The following AKAP13 variants were observed in gnomAD, a reference collection of about 807,000 sequenced individuals.
The protein encoded by AKAP13 is A-kinase anchoring protein 13.
AKAP13 carries 80 observed loss-of-function variants against 264.5 expected under a neutral mutation model. The ratio of observed to expected loss-of-function variants is 0.30; its 90% CI spans 0.25 to 0.36. The LOEUF (loss-of-function observed/expected upper bound fraction) is 0.36, where lower values mean the gene tolerates loss of function less well. Ranked by LOEUF, AKAP13 falls within the 10% of genes least tolerant of loss-of-function variation. AKAP13 has a pLI of 1.00. For missense variants in AKAP13, 3,712 were observed against 3,435.2 expected (o/e 1.08, Z -2.01); for synonymous variants, 1,380 against 1,250.2 (o/e 1.10, Z -2.19).
In AKAP13 at chr15:85,580,788, T is replaced by G; in HGVS notation, c.2720T>G (p.Val907Gly). Residue 907 changes from valine to glycine, a missense_variant, in exon 7 of 37, where the codon GTT becomes GGT. Val to Gly is a moderately radical substitution (Grantham distance 109). Around this residue, in one of 3 missense-constraint regions of AKAP13, gnomAD observed 2,759 missense variants for 2,411.7 expected, o/e 1.14. Transcript: ENST00000394518. Reference protein sequence around the residue: ...VGKATLALDSVLTEEGKLLVV... With the variant: ...VGKATLALDSGLTEEGKLLVV... ...AAGGCCACTTTGGCTTTAGATTCAGTTTTGACTGAAGAAGGAAAACTTCTG... is the reference window on the plus strand; with the variant it reads ...AAGGCCACTTTGGCTTTAGATTCAGGTTTGACTGAAGAAGGAAAACTTCTG... 6.2e-7 allele frequency: 1 copy of G among 1,614,018 alleles called. No individual in the cohort carries two copies. The highest frequency in any genetic ancestry group is 8.5e-7 in the Non-Finnish European group (1 of 1,179,986).
At position 85,500,292 on chromosome 15, in the gene AKAP13, T is replaced by C. The variant is rs185158764; in HGVS notation, c.33+14539T>C. ...TGTAGCCTAGTGCTTCCGTGTGGTG[T>C]GTGGGTATTTACTTGGAACACTCTG... On this transcript the variant is annotated intron_variant, in intron 2 of 36. Coordinates refer to ENST00000394518, the MANE Select transcript of AKAP13 (RefSeq NM_007200.5). Among the ~76,000 whole-genome samples, 36 of 152,314 alleles carry C rather than the reference T, an allele frequency of 2.4e-4. No homozygotes were observed. In the East Asian group the frequency reaches 6.0e-3, roughly 25 times the overall value.
At chr15:85,416,330 T>C (rs1342353726) in intron 1 of AKAP13, among the ~76,000 whole-genome samples, 1 of 152,216 alleles carries the variant, frequency 6.6e-6, no homozygotes, top group Non-Finnish European at 1.5e-5. Flanking sequence ...TGTGAACAGC[T>C]TGAGTAACAT....
In AKAP13 at chr15:85,740,300, G is replaced by A. The variant is rs184633766; in HGVS notation, c.7608+28G>A. The A allele has an allele frequency of 1.8e-5, 29 of 1,612,938 alleles. No individual in the cohort carries two copies. The African/African-American group carries it at 2.4e-4, about 13-fold the overall frequency. On this transcript the variant is annotated intron_variant, in intron 34 of 36. Transcript: ENST00000394518. ...GCGTGCCTTCATCTTCCATCCCTGCGTTTATTTGTCTAGAGAACAGCAGCT... is the reference window on the plus strand; with the variant it reads ...GCGTGCCTTCATCTTCCATCCCTGCATTTATTTGTCTAGAGAACAGCAGCT...
intron 2 of AKAP13, among the ~76,000 whole-genome samples, chr15:85,521,105 C>T (rs2076806587): frequency 1.3e-5 from 2 of 152,222 alleles, no homozygotes; most frequent in African/African-American, 2.4e-5. Flanking sequence ...TATGTCTCCC[C>T]CTGCCCCTCC....
Position 85,741,476 on chromosome 15 carries a change from C to A in AKAP13, c.8039C>A (p.Thr2680Lys). The change falls in exon 35 of 37, where the codon ACA becomes AAA. Residue 2680 changes from threonine (T) to lysine (K), a missense_variant. Physicochemically the swap from Thr to Lys is moderately conservative, Grantham distance 78 (BLOSUM62 -1). Transcript: ENST00000394518. ...REAERLSQRQ[T>K]ERDLCQVSHP... ...GCAGAGCGGCTCAGCCAGCGGCAGACAGAACGGGACCTGTGTCAGGTAATG... is the reference window on the plus strand; with the variant it reads ...GCAGAGCGGCTCAGCCAGCGGCAGAAAGAACGGGACCTGTGTCAGGTAATG... 6.3e-7 allele frequency: 1 copy of A among 1,599,158 alleles called. No individual in the cohort carries two copies. Among genetic ancestry groups the A allele is most frequent in the Non-Finnish European group, 8.5e-7 (1 of 1,169,692 alleles).
rs147390824 is a variant in AKAP13, at chr15:85,582,088, G to C, written c.4020G>C (p.Gln1340His). 5.7e-5 allele frequency: 92 copies of C among 1,603,390 alleles called. No individual in the cohort carries two copies. Among genetic ancestry groups the C allele is most frequent in the Non-Finnish European group, 7.5e-5 (88 of 1,174,844 alleles). Residue 1340 changes from glutamine to histidine, a missense_variant, in exon 7 of 37, where the codon CAG becomes CAC. Coordinates refer to ENST00000394518, the MANE Select transcript of AKAP13 (RefSeq NM_007200.5). Reference sequence around the variant, plus strand: ...CAGAGAAGATCATTTTACCTGTCCAGGGGCCTGAGCCAGCAGCAGGTAAGC... The same window carrying C: ...CAGAGAAGATCATTTTACCTGTCCACGGGCCTGAGCCAGCAGCAGGTAAGC... ...EEPEKIILPV[Q>H]GPEPAAEMPD...
At chr15:85,513,181 C>T (rs1358574664) in intron 2 of AKAP13, among the ~76,000 whole-genome samples, 1 of 152,052 alleles carries the variant, frequency 6.6e-6, no homozygotes, top group African/African-American at 2.4e-5. Context: ...TTTCCTAGGT[C>T]CTCGGGTAAA....
chr15:85,724,332 C>T lies in AKAP13; in HGVS notation c.6745+1012C>T, dbSNP rs114822702. ...AAATGAAGAGCCTTGGAAAGAGATA[C>T]CTGCTCTACAGTGTGGTGAGTGCTG... On this transcript the variant is annotated intron_variant, in intron 26 of 36. Coordinates refer to ENST00000394518, the MANE Select transcript of AKAP13 (RefSeq NM_007200.5). The surrounding 1 kb of genome is among the most constrained non-coding windows in gnomAD (Gnocchi z 4.2). Among the ~76,000 whole-genome samples, 1,588 of 152,242 alleles carry T rather than the reference C, an allele frequency of 0.01. 27 individuals carry two copies. Among genetic ancestry groups the T allele is most frequent in the African/African-American group, 0.036 (1,486 of 41,530 alleles).
At chr15:85,387,482 T>G (rs1414604086) in intron 1 of AKAP13, among the ~76,000 whole-genome samples, 1 of 152,094 alleles carries the variant, frequency 6.6e-6, no homozygotes, top group Non-Finnish European at 1.5e-5. Context: ...AGTCATGCAC[T>G]ACCTGGCTAA....
intron 12 of AKAP13, among the ~76,000 whole-genome samples, chr15:85,661,408 G>T (rs957003380): frequency 5.9e-5 from 9 of 152,134 alleles, no homozygotes; most frequent in African/African-American, 1.9e-4. Context: ...CAGTGCCATA[G>T]AATTCCTTTT....
chr15:85,743,758 G>A lies in AKAP13; in HGVS notation c.8325G>A (p.Gly2775=), dbSNP rs780468906. 5.0e-6 allele frequency: 8 copies of A among 1,613,814 alleles called. No individual in the cohort carries two copies. The African/African-American group carries it at 8.0e-5, about 16-fold the overall frequency. Residue 2775 remains glycine (G), a synonymous_variant, in exon 36 of 37, where the codon GGG becomes GGA. Coordinates refer to ENST00000394518, the MANE Select transcript of AKAP13 (RefSeq NM_007200.5). ...ASTSASTRLF[G]LTKPKEKKEK... is the part of the protein sequence containing the mutation. Reference sequence around the variant, plus strand: ...CCTCTGCCTCTACCCGCCTGTTTGGGTTAACAAAGCCAAAGGAAAAGAAGG... The same window carrying A: ...CCTCTGCCTCTACCCGCCTGTTTGGATTAACAAAGCCAAAGGAAAAGAAGG...
At position 85,664,761 on chromosome 15, in the gene AKAP13, T is replaced by C. The variant is rs1237829355; in HGVS notation, c.4992+6T>C. On this transcript the variant is annotated splice_donor_region_variant and intron_variant, in intron 13 of 36. Coordinates refer to ENST00000394518, the MANE Select transcript of AKAP13 (RefSeq NM_007200.5). ...ATAGGATGTTTGATCAGCAGGTAAGTCTTAAATATGTCTAATTTGGAAAAA... is the reference window on the plus strand; with the variant it reads ...ATAGGATGTTTGATCAGCAGGTAAGCCTTAAATATGTCTAATTTGGAAAAA... 1 of 1,599,830 alleles carries C rather than the reference T, an allele frequency of 6.3e-7. No individual in the cohort carries two copies. The highest frequency in any genetic ancestry group is 1.7e-5 in the Admixed American group (1 of 57,160).
rs759291200 is a variant in AKAP13, at chr15:85,741,473, A to T, written c.8036A>T (p.Gln2679Leu). The change falls in exon 35 of 37, where the codon CAG becomes CTG. Residue 2679 changes from glutamine to leucine, a missense_variant. Coordinates refer to ENST00000394518, the MANE Select transcript of AKAP13 (RefSeq NM_007200.5). ...GAGGCAGAGCGGCTCAGCCAGCGGC[A>T]GACAGAACGGGACCTGTGTCAGGTA... ...RREAERLSQR[Q>L]TERDLCQVSH... 11 of 1,601,618 alleles carry T rather than the reference A, an allele frequency of 6.9e-6. No homozygotes were observed. The highest frequency in any genetic ancestry group is 3.4e-6 in the Non-Finnish European group (4 of 1,171,252).
rs956137143 is a variant in AKAP13 at position 85,620,176 on chromosome 15, A to G, written c.4162-19198A>G. On this transcript the variant is annotated intron_variant, in intron 8 of 36. Transcript: ENST00000394518. ...TGTGGACGTGGTATTGCTGAAGGTA[A>G]GGGGGGCTGCACCTCATGCATTCTG... is the stretch of plus-strand genomic sequence containing the variant. The G allele has an allele frequency of 2.6e-6, 4 of 1,535,822 alleles. No homozygotes were observed. In the African/African-American group the frequency reaches 5.5e-5, roughly 21 times the overall value.
chr15:85,420,123 A>C (rs554720073), intron 1 of AKAP13, among the ~76,000 whole-genome samples: 1 of 151,192 alleles, frequency 6.6e-6, no homozygotes, highest in Non-Finnish European at 1.5e-5. Flanking sequence ...TTGTATTTTT[A>C]GTAGAGACGG....
At position 85,748,448 on chromosome 15, in the gene AKAP13, A is replaced by G. The variant is rs1459342756; in HGVS notation, c.*3771A>G. On this transcript the variant is annotated 3_prime_UTR_variant, in exon 37 of 37. Coordinates refer to ENST00000394518, the MANE Select transcript of AKAP13 (RefSeq NM_007200.5). ...CTTCAGCAGGACCGTCTAGGTGCGC[A>G]GCCACCTATGGATGCGTCCCAGCCA... 1.3e-5 allele frequency: 2 copies of G among 152,218 alleles called. No individual in the cohort carries two copies. Among genetic ancestry groups the G allele is most frequent in the African/African-American group, 4.8e-5 (2 of 41,438 alleles). 9.4% of individuals were successfully genotyped at this position (152,218 alleles called of 1,614,324 possible). A position where few individuals can be genotyped will look rare whatever the true frequency, so the allele number is the denominator to read the frequency against.
chr15:85,737,130 G>A (rs1034185423), intron 33 of AKAP13, among the ~76,000 whole-genome samples: 1 of 151,946 alleles, frequency 6.6e-6, no homozygotes, highest in Non-Finnish European at 1.5e-5. Flanking sequence ...ATGTTGTCCG[G>A]GCTGATCTTG....
chr15:85,664,462 T>C lies in AKAP13; in HGVS notation c.4800-101T>C, dbSNP rs552497528. ...ACAGTTTTGCTAGCTGACATAGAAA[T>C]AATACACAAACAAGGGAGATATACC... On this transcript the variant is annotated intron_variant, in intron 12 of 36. Transcript: ENST00000394518. The C allele has an allele frequency of 2.2e-5, 26 of 1,202,910 alleles. No homozygotes were observed. In the African/African-American group the frequency reaches 3.8e-4, roughly 18 times the overall value. 74.5% of individuals were successfully genotyped at this position (1,202,910 alleles called of 1,614,324 possible). A position where few individuals can be genotyped will look rare whatever the true frequency, so the allele number is the denominator to read the frequency against.
At chr15:85,460,781 G>T (rs1367868369) in intron 1 of AKAP13, among the ~76,000 whole-genome samples, 2 of 152,180 alleles carry the variant, frequency 1.3e-5, no homozygotes, top group Non-Finnish European at 2.9e-5. Flanking sequence ...GGAGAAAGGG[G>T]CTGCATGCAG....
Sources: gnomAD v4.1 joint callset for allele counts (sites outside exome capture counted in the v4.1 genomes callset) on GRCh38, gnomAD v4.1.1 for gene constraint, gnomAD v4.1.1 regional missense constraint, Gnocchi (gnomAD v3.1) non-coding constraint, MANE v1.5 for transcripts, NCBI Gene and HGNC (gene_info 2026-07-23, HGNC 2026-07-21) for gene names.